TBC1D2B: variants seen among roughly 807,000 people sequenced by gnomAD.
The protein encoded by TBC1D2B is TBC1 domain family member 2B.
In TBC1D2B, 64 loss-of-function variants were observed where a neutral mutation model predicts 100.8. That is an observed-to-expected ratio of 0.64 (90% confidence interval 0.52 to 0.78). TBC1D2B has a LOEUF of 0.78. Among genes scored for constraint, TBC1D2B ranks in the 30% least tolerant of loss-of-function variants. The pLI, the probability that TBC1D2B is intolerant of heterozygous loss-of-function variation, is 0.00. For synonymous variants in TBC1D2B, 480 were observed against 479.7 expected (o/e 1.00, Z -0.01); for missense variants, 1,052 against 1,218.4 (o/e 0.86, Z 2.03).
chr15:78,015,904 T>A (rs1330205738), intron 8 of TBC1D2B, among the ~76,000 whole-genome samples: 1 of 152,124 alleles, frequency 6.6e-6, no homozygotes, highest in Non-Finnish European at 1.5e-5. Context: ...AAAGGTCATG[T>A]CAAACTGAAG....
chr15:78,040,069 C>T (rs917228467), intron 3 of TBC1D2B, among the ~76,000 whole-genome samples: 2 of 152,226 alleles, frequency 1.3e-5, no homozygotes, highest in Admixed American at 1.3e-4. Context: ...CTCCTACATA[C>T]ACTGAAAATA....
intron 3 of TBC1D2B, among the ~76,000 whole-genome samples, chr15:78,038,539 C>G (rs1246692077): frequency 6.6e-6 from 1 of 152,220 alleles, no homozygotes; most frequent in African/African-American, 2.4e-5. Context: ...TTCAGCAGCA[C>G]AGCCTTCAGC....
intron 10 of TBC1D2B, among the ~76,000 whole-genome samples, chr15:78,005,567 A>G (rs1182080834): frequency 1.3e-5 from 2 of 152,234 alleles, no homozygotes; most frequent in African/African-American, 4.8e-5. Context: ...ATGGAATATT[A>G]GGCCACCAAA....
chr15:78,000,855 A>G (rs930542380), intron 12 of TBC1D2B, among the ~76,000 whole-genome samples: 2 of 151,908 alleles, frequency 1.3e-5, no homozygotes, highest in Non-Finnish European at 2.9e-5. Context: ...CCTCTCTTCA[A>G]TCTACCCCCC....
chr15:78,019,902 G>GGC (rs1555418687), intron 6 of TBC1D2B, among the ~76,000 whole-genome samples: 1 of 143,022 alleles, frequency 7.0e-6, no homozygotes, highest in African/African-American at 2.6e-5. Flanking sequence ...AAAAAAAAAA[G>GGC]GGGGGGGGAG....
rs188734686 is a variant in TBC1D2B, at chr15:78,004,008, C to T, written c.2389-518G>A. ...GCGTCACATGAACCTGAGTCTGAAT[C>T]TCAGCTCTACCACTTACTAGCTGGG... is the stretch of plus-strand genomic sequence containing the variant. On this transcript the variant is annotated intron_variant, in intron 10 of 12. Transcript: ENST00000300584. Among the ~76,000 whole-genome samples the T allele has an allele frequency of 2.0e-5, 3 of 152,316 alleles. No individual in the cohort carries two copies. In the East Asian group the frequency reaches 5.8e-4, roughly 29 times the overall value.
Position 78,016,662 on chromosome 15 carries a change from C to T in TBC1D2B, c.1659G>A (p.Val553=), listed in dbSNP as rs2072384473. ...LILLQEMKTP[V]CSEDQGPTRE... ...GGGTGGGCCCCTGGTCTTCTGAGCA[C>T]ACTGGTGTCTTCATTTCTTGGAGCA... is the stretch of plus-strand genomic sequence containing the variant. The change falls in exon 8 of 13, where the codon GTG becomes GTA. Residue 553 remains valine, a synonymous_variant. Coordinates refer to ENST00000300584, the MANE Select transcript of TBC1D2B (RefSeq NM_144572.2). 3.7e-6 allele frequency: 6 copies of T among 1,607,502 alleles called. No homozygotes were observed. The highest frequency in any genetic ancestry group is 1.7e-5 in the Admixed American group (1 of 57,988).
At chr15:78,044,058 T>G (rs1309337787) in intron 3 of TBC1D2B, among the ~76,000 whole-genome samples, 1 of 149,286 alleles carries the variant, frequency 6.7e-6, no homozygotes, top group Non-Finnish European at 1.5e-5. Context: ...AAAAACAAAT[T>G]CATAGAGATA....
At chr15:78,049,516 G>A (rs1365038015) in intron 2 of TBC1D2B, among the ~76,000 whole-genome samples, 2 of 151,910 alleles carry the variant, frequency 1.3e-5, no homozygotes, top group South Asian at 2.1e-4. Context: ...GCCTCTGACA[G>A]ATGCCCTGAA....
rs932690270 is a variant in TBC1D2B, at chr15:78,077,308, G to T, written c.345C>A (p.Ala115=). 6.6e-6 allele frequency: 10 copies of T among 1,522,956 alleles called. No individual in the cohort carries two copies. The highest frequency in any genetic ancestry group is 7.9e-6 in the Non-Finnish European group (9 of 1,136,890). The allele number at this position is 1,522,956 out of a possible 1,614,324, so 94.3% of individuals were successfully genotyped here. The change falls in exon 1 of 13, where the codon GCC becomes GCA. Residue 115 remains alanine, a synonymous_variant. Transcript: ENST00000300584. ...GCGGTCCCACCTTGAGCACCGTGAC[G>T]GCTCCCGCGCTGTGCACCTGGAAGT... ...PAHFQVHSAG[A]VTVLKAPNRQ...
Position 78,012,927 on chromosome 15 carries a change from T to C in TBC1D2B, c.2166A>G (p.Lys722=). The C allele has an allele frequency of 1.3e-6, 2 of 1,548,682 alleles. No homozygotes were observed. The highest frequency in any genetic ancestry group is 1.7e-6 in the Non-Finnish European group (2 of 1,145,610). The change falls in exon 9 of 13, where the codon AAA becomes AAG. Residue 722 remains lysine (K), a synonymous_variant. Transcript: ENST00000300584. The stretch of plus-strand genomic sequence containing the variant: ...CTTCTGAGGTGGGGCAGGAGTAATG[T>C]TTGTTGTTGGGCAGAGTTCGCAGCA... ...LDLLRTLPNN[K]HYSCPTSEGI...
intron 3 of TBC1D2B, among the ~76,000 whole-genome samples, chr15:78,040,880 A>AAGAAAGAAAGAAAGAAAG (rs1275983230): frequency 7.4e-4 from 109 of 147,952 alleles, no homozygotes; most frequent in African/African-American, 2.5e-3. Flanking sequence ...GAAAGAAAGA[A>AAGAAAGAAAGAAAGAAAG]AGAGAGAGAG....
intron 3 of TBC1D2B, among the ~76,000 whole-genome samples, chr15:78,041,605 A>ACAGTACAATTTTGAGCC: frequency 6.6e-6 from 1 of 152,256 alleles, no homozygotes; most frequent in Non-Finnish European, 1.5e-5. Context: ...ATTCATTTAT[A>ACAGTACAATTTTGAGCC]ATACAGTAAT....
intron 1 of TBC1D2B, among the ~76,000 whole-genome samples, chr15:78,054,847 A>C (rs1360402230): frequency 6.6e-6 from 1 of 152,210 alleles, no homozygotes; most frequent in African/African-American, 2.4e-5. Flanking sequence ...TATCCACCCA[A>C]GAGGAATGAA....
rs1268484421 is a variant in TBC1D2B, at chr15:78,025,357, T to C, written c.988A>G (p.Ser330Gly). ...GAGGCCGGCTTCCTGATGCTGACGCTGCCACTGCCTGATGTGCCTTCACTT... is the reference window on the plus strand; with the variant it reads ...GAGGCCGGCTTCCTGATGCTGACGCCGCCACTGCCTGATGTGCCTTCACTT... ...PSSEGTSGSG[S>G]VSIRKPASEM... The change falls in exon 5 of 13, where the codon AGC (serine) becomes GGC (glycine). Residue 330 changes from serine to glycine, a missense_variant. By Grantham distance (56) the Ser-to-Gly change is moderately conservative. This residue lies in a region of TBC1D2B where 627 missense variants were observed against 646.1 expected (regional missense o/e 0.97). Coordinates refer to ENST00000300584, the MANE Select transcript of TBC1D2B (RefSeq NM_144572.2). The C allele has an allele frequency of 1.2e-6, 2 of 1,613,988 alleles. No homozygotes were observed. Among genetic ancestry groups the C allele is most frequent in the South Asian group, 2.2e-5 (2 of 91,078 alleles).
Position 78,025,244 on chromosome 15 carries a change from A to G in TBC1D2B, c.1086+15T>C, listed in dbSNP as rs1384829822. 1.2e-6 allele frequency: 2 copies of G among 1,608,870 alleles called. No homozygotes were observed. ...GCTGAGGTGGGGTAAGACAGAAGCC[A>G]GAAGAAGAAGTTACCTTCTGACTGG... is the stretch of plus-strand genomic sequence containing the variant. On this transcript the variant is annotated intron_variant, in intron 5 of 12. Transcript: ENST00000300584.
At chr15:78,009,246 T>A in intron 9 of TBC1D2B, 132 bp from the exon 10 acceptor site, 1 of 647,450 alleles carries the variant, frequency 1.5e-6, no homozygotes, top group Non-Finnish European at 2.7e-6. Flanking sequence ...CAATAAAGAA[T>A]AATAAGGACC....
chr15:78,000,343 C>A (rs1367395830), intron 12 of TBC1D2B, among the ~76,000 whole-genome samples: 1 of 152,220 alleles, frequency 6.6e-6, no homozygotes, highest in Non-Finnish European at 1.5e-5. Context: ...CTCCTGGCAG[C>A]GCCTGGGACC....
At chr15:78,010,031 A>G (rs371005754) in intron 9 of TBC1D2B, among the ~76,000 whole-genome samples, 8 of 152,344 alleles carry the variant, frequency 5.3e-5, no homozygotes, top group Admixed American at 2.0e-4. Context: ...GAGTTCATCA[A>G]GAAGTTCCAA....
Sources: allele counts gnomAD v4.1 joint callset (sites outside exome capture counted in the v4.1 genomes callset), GRCh38; gene constraint gnomAD v4.1.1; regional missense constraint gnomAD v4.1.1; transcripts MANE v1.5; gene names NCBI Gene and HGNC (gene_info 2026-07-23, HGNC 2026-07-21).